Variants in ALOX5 observed in about 807,000 individuals in gnomAD.
ALOX5 encodes the protein polyunsaturated fatty acid 5-lipoxygenase.
In ALOX5, 64 loss-of-function variants were observed where a neutral mutation model predicts 87.9. That is an observed-to-expected ratio of 0.73 (90% CI 0.60 to 0.90). The LOEUF (loss-of-function observed/expected upper bound fraction) is 0.90, where lower values mean the gene tolerates loss of function less well. ALOX5 is among the 40% of genes least tolerant of loss of function. The probability of loss-of-function intolerance (pLI) is 0.00; values close to 1 mark genes in which losing one functional copy is unlikely to be tolerated. For missense variants in ALOX5, 822 were observed against 907.5 expected, an observed-to-expected ratio of 0.91 and a Z score of 1.21; for synonymous variants, 388 against 355.1, an observed-to-expected ratio of 1.09 and a Z score of -1.04.
chr10:45,415,583 A>AT (rs151251355), intron 4 of ALOX5, among the ~76,000 whole-genome samples: 39,632 of 151,786 alleles, frequency 0.26, 6,381 homozygotes, highest in Admixed American at 0.37. Context: ...TATAATAATA[A>AT]AAAAAAAGAC....
At chr10:45,435,739 CAT>C (rs1296790308) in intron 7 of ALOX5, among the ~76,000 whole-genome samples, 1 of 152,206 alleles carries the variant, frequency 6.6e-6, no homozygotes, top group Non-Finnish European at 1.5e-5. Flanking sequence ...CTGCAATAAA[CAT>C]ATGTGTGCCT....
rs1273411896 is a variant in ALOX5 at position 45,440,558 on chromosome 10, G to A, written c.1110G>A (p.Leu370=). The A allele has an allele frequency of 6.8e-6, 11 of 1,614,160 alleles. No homozygotes were observed. The highest frequency in any genetic ancestry group is 1.3e-5 in the African/African-American group (1 of 75,028). Reference sequence around the variant, plus strand: ...TCCACCAGACCATCACCCACCTTCTGCGAACACATCTGGTGTCTGAGGTTT... The same window carrying A: ...TCCACCAGACCATCACCCACCTTCTACGAACACATCTGGTGTCTGAGGTTT... ...FHVHQTITHL[L]RTHLVSEVFG... Residue 370 remains leucine (L), a synonymous_variant, in exon 8 of 14, where the codon CTG becomes CTA. Coordinates refer to ENST00000374391, the MANE Select transcript of ALOX5 (RefSeq NM_000698.5).
At chr10:45,431,603 C>T (rs961577626) in intron 7 of ALOX5, among the ~76,000 whole-genome samples, 2 of 151,578 alleles carry the variant, frequency 1.3e-5, no homozygotes, top group Non-Finnish European at 2.9e-5. Flanking sequence ...GATGGAGTTT[C>T]GCACTGTCAC....
rs1169645499 is a variant in ALOX5, at chr10:45,382,480, C to A, written c.151-3C>A. On this transcript the variant is annotated splice_region_variant and splice_polypyrimidine_tract_variant and intron_variant, in intron 1 of 13. Transcript: ENST00000374391. The stretch of plus-strand genomic sequence containing the variant: ...TGGCCTGATTGCCTGTTCTCCTTCC[C>A]AGGTGGATTCATACGACGTGACTGT... 16 of 1,614,172 alleles carry A rather than the reference C, an allele frequency of 9.9e-6. No homozygotes were observed. The highest frequency in any genetic ancestry group is 1.7e-5 in the Admixed American group (1 of 60,026).
chr10:45,437,984 A>G (rs1842109291), intron 7 of ALOX5, among the ~76,000 whole-genome samples: 6 of 152,272 alleles, frequency 3.9e-5, no homozygotes, highest in Admixed American at 3.9e-4. Context: ...AGGAACAAGC[A>G]TTCTGTTTCT....
intron 4 of ALOX5, among the ~76,000 whole-genome samples, chr10:45,422,557 C>T (rs556254438): frequency 6.6e-6 from 1 of 152,346 alleles, no homozygotes; most frequent in African/African-American, 2.4e-5. Context: ...CCCCTCTGGA[C>T]ACTAGAAGGC....
At chr10:45,375,223 C>T (rs554570912) in intron 1 of ALOX5, among the ~76,000 whole-genome samples, 1 of 152,296 alleles carries the variant, frequency 6.6e-6, no homozygotes, top group African/African-American at 2.4e-5. Flanking sequence ...AACACTTCCA[C>T]GCTAGGTGTG....
intron 1 of ALOX5, among the ~76,000 whole-genome samples, chr10:45,377,011 C>T (rs1315608724): frequency 1.3e-5 from 2 of 152,136 alleles, no homozygotes; most frequent in Admixed American, 6.5e-5. Context: ...AGATCGGATA[C>T]GATAACTGTA....
intron 1 of ALOX5, 87 bp from the exon 2 acceptor site, chr10:45,382,396 C>T: frequency 7.1e-7 from 1 of 1,410,860 alleles, no homozygotes; most frequent in South Asian, 1.2e-5. Context: ...GCCACAGCAG[C>T]ATACCTTGGG....
intron 7 of ALOX5, among the ~76,000 whole-genome samples, chr10:45,432,360 T>TAAA (rs35877893): frequency 6.8e-5 from 9 of 132,988 alleles, no homozygotes; most frequent in African/African-American, 8.3e-5. Context: ...ACCCTATCTT[T>TAAA]AAAAAAAAAA....
chr10:45,408,614 T>G (rs1429084403), intron 3 of ALOX5, among the ~76,000 whole-genome samples: 1 of 152,192 alleles, frequency 6.6e-6, no homozygotes, highest in East Asian at 1.9e-4. Flanking sequence ...TGTGTTGATG[T>G]GAATGCTGAT....
At chr10:45,442,783 C>T in intron 9 of ALOX5, 2 of 478,404 alleles carry the variant, frequency 4.2e-6, no homozygotes, top group South Asian at 7.9e-5. Context: ...GGAGCGCACC[C>T]TTCCCTCTTG....
chr10:45,398,852 C>T (rs1008434625), intron 3 of ALOX5, among the ~76,000 whole-genome samples: 2 of 152,198 alleles, frequency 1.3e-5, no homozygotes, highest in African/African-American at 4.8e-5. Context: ...AACCCTCATA[C>T]ACTGCTGGTG....
intron 1 of ALOX5, among the ~76,000 whole-genome samples, chr10:45,380,792 C>T (rs1839798063): frequency 6.6e-6 from 1 of 152,062 alleles, no homozygotes; most frequent in Admixed American, 6.6e-5. Flanking sequence ...AAATACAAAA[C>T]TTAACCAGAT....
chr10:45,399,005 A>G (rs970524485), intron 3 of ALOX5, among the ~76,000 whole-genome samples: 1 of 152,240 alleles, frequency 6.6e-6, no homozygotes, highest in Non-Finnish European at 1.5e-5. Context: ...AAACTTGTAC[A>G]TGCATGATTA....
chr10:45,434,368 A>G (rs987108337), intron 7 of ALOX5, among the ~76,000 whole-genome samples: 7 of 152,206 alleles, frequency 4.6e-5, no homozygotes, highest in African/African-American at 1.4e-4. Flanking sequence ...GAAAGCACAA[A>G]TGTGTGTGGG....
chr10:45,390,225 C>T (rs982191427), intron 2 of ALOX5, among the ~76,000 whole-genome samples: 1 of 152,154 alleles, frequency 6.6e-6, no homozygotes, highest in Non-Finnish European at 1.5e-5. Context: ...GACCTAGACT[C>T]CCACACAATA....
chr10:45,425,273 C>T lies in ALOX5; in HGVS notation c.834+141C>T, dbSNP rs1393751449. The T allele has an allele frequency of 1.8e-5, 18 of 993,580 alleles. No homozygotes were observed. The highest frequency in any genetic ancestry group is 2.4e-5 in the Non-Finnish European group (17 of 694,750). The allele number at this position is 993,580 out of a possible 1,614,324, so 61.5% of individuals were successfully genotyped here. The stretch of plus-strand genomic sequence containing the variant: ...TACAGCAGCCGCTTCCTTTTCCTGG[C>T]AGCAGTGTCAGCCAGGGTCCTGGGC... On this transcript the variant is annotated intron_variant, in intron 6 of 13. Coordinates refer to ENST00000374391, the MANE Select transcript of ALOX5 (RefSeq NM_000698.5). This position sits in a 1 kb window ranked among gnomAD's most constrained non-coding sequence, Gnocchi z 4.4.
intron 3 of ALOX5, among the ~76,000 whole-genome samples, chr10:45,411,196 T>C (rs558255467): frequency 6.6e-6 from 1 of 152,354 alleles, no homozygotes; most frequent in Admixed American, 6.5e-5. Context: ...GTGGTGAGGA[T>C]GAACAGAGGT....
Sources: allele counts gnomAD v4.1 joint callset (sites outside exome capture counted in the v4.1 genomes callset), GRCh38; gene constraint gnomAD v4.1.1; non-coding constraint Gnocchi (gnomAD v3.1); transcripts MANE v1.5; gene names NCBI Gene and HGNC (gene_info 2026-07-23, HGNC 2026-07-21).